EHMT1: variants seen among roughly 807,000 people sequenced by gnomAD.
EHMT1 encodes histone-lysine N-methyltransferase EHMT1.
Under a neutral mutation model 147.2 loss-of-function variants are expected in EHMT1, and 15 were observed. The ratio of observed to expected loss-of-function variants is 0.10; its 90% CI spans 0.07 to 0.16. The LOEUF is 0.16. EHMT1 is among the 10% of genes least tolerant of loss of function. The pLI, the probability that EHMT1 is intolerant of heterozygous loss-of-function variation, is 1.00. For missense variants in EHMT1, 1,587 were observed against 1,772.4 expected, an observed-to-expected ratio of 0.90 and a Z score of 1.88; for synonymous variants, 795 against 709.6, an observed-to-expected ratio of 1.12 and a Z score of -1.91.
chr9:137,650,766 A>C (rs544928751), intron 1 of EHMT1: 2 of 148,474 alleles, frequency 1.3e-5, no homozygotes, highest in East Asian at 2.0e-4. Flanking sequence ...TCCTGGACCC[A>C]AGTGATCCTC....
chr9:137,623,952 T>G (rs1248162740), intron 1 of EHMT1, among the ~76,000 whole-genome samples: 1 of 151,894 alleles, frequency 6.6e-6, no homozygotes, highest in African/African-American at 2.4e-5. Context: ...GAGTAGTACC[T>G]GGGACGGCAG....
intron 1 of EHMT1, among the ~76,000 whole-genome samples, chr9:137,690,717 G>A (rs1942862554): frequency 6.6e-6 from 1 of 152,138 alleles, no homozygotes; most frequent in African/African-American, 2.4e-5. Flanking sequence ...TTACAGGCGT[G>A]TGCCACCACA....
chr9:137,723,025 A>T (rs1383784530), intron 3 of EHMT1, among the ~76,000 whole-genome samples: 6 of 70,478 alleles, frequency 8.5e-5, no homozygotes, highest in African/African-American at 3.4e-4. Context: ...TCTGGGCCTG[A>T]GCCCGGGGTG....
At chr9:137,821,040 GCTAA>G (rs1955374604) in intron 25 of EHMT1, among the ~76,000 whole-genome samples, 1 of 152,172 alleles carries the variant, frequency 6.6e-6, no homozygotes, top group Non-Finnish European at 1.5e-5. Flanking sequence ...ACCACGCCCG[GCTAA>G]CTTTTTGTAT....
At chr9:137,767,549 A>T (rs1211905496) in intron 10 of EHMT1, among the ~76,000 whole-genome samples, 1 of 152,220 alleles carries the variant, frequency 6.6e-6, no homozygotes, top group Non-Finnish European at 1.5e-5. Context: ...GAGGTGGCTC[A>T]CGCCTATAAT....
At chr9:137,623,272 C>T (rs1327136823) in intron 1 of EHMT1, among the ~76,000 whole-genome samples, 1 of 152,128 alleles carries the variant, frequency 6.6e-6, no homozygotes, top group Non-Finnish European at 1.5e-5. Flanking sequence ...ACAGCATCAT[C>T]CAAAGGAGTC....
At chr9:137,743,756 C>G (rs1948311336) in intron 5 of EHMT1, 146 bp from the exon 6 acceptor site, 1 of 1,162,206 alleles carries the variant, frequency 8.6e-7, no homozygotes, top group Non-Finnish European at 1.2e-6. Flanking sequence ...GGGCTCTTCT[C>G]CAGGTGGCAG....
chr9:137,671,795 T>C (rs1589197849), intron 1 of EHMT1, among the ~76,000 whole-genome samples: 1 of 152,232 alleles, frequency 6.6e-6, no homozygotes, highest in Non-Finnish European at 1.5e-5. Context: ...TCCAAAGTGC[T>C]GGGATCACAG....
At chr9:137,790,745 G>C in intron 15 of EHMT1, 103 bp from the exon 16 acceptor site, 1 of 1,543,224 alleles carries the variant, frequency 6.5e-7, no homozygotes. Context: ...CACTGAAACA[G>C]TGCAGCTCTC....
intron 1 of EHMT1, among the ~76,000 whole-genome samples, chr9:137,648,580 G>C (rs1845079811): frequency 6.6e-6 from 1 of 151,954 alleles, no homozygotes; most frequent in Non-Finnish European, 1.5e-5. Context: ...GTCATCAAGA[G>C]GTTGAGGTTG....
At chr9:137,788,676 C>T (rs567834482) in intron 15 of EHMT1, 1 of 152,236 alleles carries the variant, frequency 6.6e-6, no homozygotes, top group African/African-American at 2.4e-5. Context: ...AGGCGGGAGT[C>T]GCTGCGGGCC....
At chr9:137,823,013 G>A (rs759932736) in intron 25 of EHMT1, among the ~76,000 whole-genome samples, 4 of 149,472 alleles carry the variant, frequency 2.7e-5, no homozygotes, top group African/African-American at 7.4e-5. Context: ...TCACTGCAAC[G>A]TCTGCCTCCT....
chr9:137,814,571 A>T lies in EHMT1; in HGVS notation c.3258+63A>T. On this transcript the variant is annotated intron_variant, in intron 22 of 26. Transcript: ENST00000460843. The stretch of plus-strand genomic sequence containing the variant: ...GTGCCGCTGGTCCGGGTCTGCAAAA[A>T]CAGTGCAGGCGTCTGTGACCCCAGC... The T allele has an allele frequency of 1.9e-5, 30 of 1,561,152 alleles. No homozygotes were observed. The South Asian group carries it at 3.2e-4, about 17-fold the overall frequency.
chr9:137,730,698 C>T (rs1189660261), intron 4 of EHMT1, among the ~76,000 whole-genome samples: 1 of 152,218 alleles, frequency 6.6e-6, no homozygotes, highest in African/African-American at 2.4e-5. Flanking sequence ...CCAAGTTTGT[C>T]CAGTGGGGTC....
At chr9:137,629,911 CCTTT>C (rs1287658276) in intron 1 of EHMT1, among the ~76,000 whole-genome samples, 1 of 152,118 alleles carries the variant, frequency 6.6e-6, no homozygotes, top group Non-Finnish European at 1.5e-5. Flanking sequence ...TGAGAATTCT[CCTTT>C]CTTACTGTTT....
chr9:137,831,198 C>A (rs1165948859), intron 25 of EHMT1, among the ~76,000 whole-genome samples: 2 of 152,228 alleles, frequency 1.3e-5, no homozygotes, highest in East Asian at 3.8e-4. Context: ...GGGGGGCACA[C>A]ACATTCCAAC....
At chr9:137,663,103 A>G (rs900467886) in intron 1 of EHMT1, among the ~76,000 whole-genome samples, 4 of 152,136 alleles carry the variant, frequency 2.6e-5, no homozygotes, top group Non-Finnish European at 2.9e-5. Context: ...CTGGCCTGGA[A>G]TTTTTAACCT....
At chr9:137,780,346 G>GGCATCTCA (rs1181722149) in intron 14 of EHMT1, among the ~76,000 whole-genome samples, 2 of 130,156 alleles carry the variant, frequency 1.5e-5, no homozygotes, top group African/African-American at 3.1e-5. Context: ...TGGTGATGAC[G>GGCATCTCA]CTGAGACGTG....
chr9:137,727,473 T>C (rs556302720), intron 3 of EHMT1, among the ~76,000 whole-genome samples: 3 of 152,322 alleles, frequency 2.0e-5, no homozygotes, highest in African/African-American at 7.2e-5. Context: ...TTTTATATGG[T>C]TTAGAAAAGG....
Sources: gnomAD v4.1 joint callset for allele counts (sites outside exome capture counted in the v4.1 genomes callset) on GRCh38, gnomAD v4.1.1 for gene constraint, MANE v1.5 for transcripts, NCBI Gene and HGNC (gene_info 2026-07-23, HGNC 2026-07-21) for gene names.